Variants in ZNG1B observed in about 807,000 individuals in gnomAD.
ZNG1B encodes the protein Zn regulated GTPase metalloprotein activator 1B.
the ZNG1B span, among the ~76,000 whole-genome samples, chr2:113,475,618 T>C: frequency 0.29 from 41,322 of 141,742 alleles, 6,212 homozygotes; most frequent in East Asian, 0.55. Flanking sequence ...GATTCTGCAG[T>C]GGCTGGTACC....
At chr2:113,465,900 T>G in the ZNG1B span, 8 of 985,050 alleles carry the variant, frequency 8.1e-6, 1 homozygote, top group Middle Eastern at 5.2e-4. Context: ...AGCAGAGGCC[T>G]TAGGTGAATG....
the ZNG1B span, chr2:113,439,235 T>A: frequency 6.8e-7 from 1 of 1,477,666 alleles, no homozygotes; most frequent in South Asian, 1.2e-5. Context: ...ATTTTCCCTT[T>A]CTGAAACACT....
the ZNG1B span, among the ~76,000 whole-genome samples, chr2:113,488,681 C>A: frequency 6.7e-6 from 1 of 149,804 alleles, no homozygotes; most frequent in Non-Finnish European, 1.5e-5. Context: ...ACAATCAAAA[C>A]TTTAGGAAAT....
At chr2:113,483,279 C>T in the ZNG1B span, among the ~76,000 whole-genome samples, 2 of 151,038 alleles carry the variant, frequency 1.3e-5, no homozygotes, top group Admixed American at 1.3e-4. Flanking sequence ...GCCAGTGTCT[C>T]CATCCATAGA....
chr2:113,452,245 C>T, the ZNG1B span, among the ~76,000 whole-genome samples: 3 of 152,032 alleles, frequency 2.0e-5, no homozygotes, highest in Non-Finnish European at 4.4e-5. Flanking sequence ...CTATATCTTG[C>T]ATGAGTAATC....
At chr2:113,484,546 T>G in the ZNG1B span, among the ~76,000 whole-genome samples, 1 of 152,376 alleles carries the variant, frequency 6.6e-6, no homozygotes, top group Non-Finnish European at 1.5e-5. Context: ...ATGAGGATAG[T>G]TTTTTGTTTG....
At chr2:113,464,806 AACTG>A in the ZNG1B span, among the ~76,000 whole-genome samples, 5 of 151,714 alleles carry the variant, frequency 3.3e-5, no homozygotes, top group South Asian at 6.3e-4. Flanking sequence ...ACACTAGGAT[AACTG>A]ACTATTTATG....
At chr2:113,479,339 A>G in the ZNG1B span, among the ~76,000 whole-genome samples, 2 of 141,706 alleles carry the variant, frequency 1.4e-5, no homozygotes, top group Non-Finnish European at 3.0e-5. Flanking sequence ...ATTCAGAATT[A>G]TACTATGTTT....
the ZNG1B span, among the ~76,000 whole-genome samples, chr2:113,471,972 A>G: frequency 6.6e-6 from 1 of 151,932 alleles, no homozygotes; most frequent in Non-Finnish European, 1.5e-5. Flanking sequence ...TAGCAGCATG[A>G]TTTATAGTCC....
At chr2:113,465,645 A>C in the ZNG1B span, 1 of 951,888 alleles carries the variant, frequency 1.1e-6, no homozygotes, top group African/African-American at 1.8e-5. Flanking sequence ...CTGTTCCTAC[A>C]ACATCTGTGA....
chr2:113,474,757 A>T, the ZNG1B span, among the ~76,000 whole-genome samples: 1 of 152,126 alleles, frequency 6.6e-6, no homozygotes, highest in African/African-American at 2.4e-5. Flanking sequence ...CCCAGTAGTC[A>T]TTCAGGAGCA....
the ZNG1B span, among the ~76,000 whole-genome samples, chr2:113,440,750 T>C: frequency 6.9e-6 from 1 of 145,792 alleles, no homozygotes; most frequent in Admixed American, 7.0e-5. Context: ...AGAAATGATA[T>C]AGTCATACAA....
chr2:113,444,657 T>C, the ZNG1B span, among the ~76,000 whole-genome samples: 1 of 151,956 alleles, frequency 6.6e-6, no homozygotes, highest in East Asian at 1.9e-4. Context: ...ATTTTGTATG[T>C]TGGTTTTTAA....
the ZNG1B span, among the ~76,000 whole-genome samples, chr2:113,481,085 ATTTTTTT>A: frequency 4.0e-5 from 5 of 124,892 alleles, no homozygotes; most frequent in African/African-American, 8.7e-5. Flanking sequence ...TCGTTGTTAG[ATTTTTTT>A]TTTTTTTTTT....
chr2:113,478,887 GTTTGGAAACTGAAGCTCA>G, the ZNG1B span, among the ~76,000 whole-genome samples: 1 of 150,826 alleles, frequency 6.6e-6, no homozygotes, highest in Admixed American at 6.6e-5. Flanking sequence ...CTCCTTCTCA[GTTTGGAAACTGAAGCTCA>G]GAGAGTAAAC....
At chr2:113,462,732 G>T in the ZNG1B span, 1 of 529,058 alleles carries the variant, frequency 1.9e-6, no homozygotes, top group Non-Finnish European at 3.3e-6. Flanking sequence ...CAGGGTCTTC[G>T]CACTCCATCT....
At chr2:113,454,155 G>A in the ZNG1B span, among the ~76,000 whole-genome samples, 1 of 152,056 alleles carries the variant, frequency 6.6e-6, no homozygotes, top group Non-Finnish European at 1.5e-5. Flanking sequence ...AATTCCTTAG[G>A]CATAATTAAA....
At chr2:113,438,942 T>C in the ZNG1B span, 7 of 1,534,454 alleles carry the variant, frequency 4.6e-6, no homozygotes, top group Non-Finnish European at 6.1e-6. Flanking sequence ...TAAAAAACTT[T>C]GTAGACTGTA....
At chr2:113,488,909 G>GTTATTCTTT in the ZNG1B span, among the ~76,000 whole-genome samples, 1 of 151,614 alleles carries the variant, frequency 6.6e-6, no homozygotes, top group Admixed American at 6.6e-5. Context: ...CATTCCTGAG[G>GTTATTCTTT]AAGAAGAGAA....
Sources: allele counts gnomAD v4.1 joint callset (sites outside exome capture counted in the v4.1 genomes callset), GRCh38; gene constraint gnomAD v4.1.1; transcripts MANE v1.5; gene names NCBI Gene and HGNC (gene_info 2026-07-23, HGNC 2026-07-21).